Variants in CERS6 observed in about 807,000 individuals in gnomAD.
The protein encoded by CERS6 is ceramide synthase 6.
Under a neutral mutation model 56.8 loss-of-function variants are expected in CERS6, and 26 were observed. The ratio of observed to expected loss-of-function variants is 0.46; its 90% CI spans 0.34 to 0.63. The LOEUF (loss-of-function observed/expected upper bound fraction) is 0.63, where lower values mean the gene tolerates loss of function less well. Among genes scored for constraint, CERS6 ranks in the 30% least tolerant of loss-of-function variants. The probability of loss-of-function intolerance (pLI) is 0.01; values close to 1 mark genes in which losing one functional copy is unlikely to be tolerated. For missense variants in CERS6, 415 were observed against 467.5 expected (o/e 0.89, Z 1.04); for synonymous variants, 164 against 173.3 (o/e 0.95, Z 0.42).
intron 8 of CERS6, among the ~76,000 whole-genome samples, chr2:168,758,572 G>A (rs1326242140): frequency 6.6e-6 from 1 of 152,164 alleles, no homozygotes. Flanking sequence ...ACATGCACCT[G>A]TAACCCATTC....
intron 1 of CERS6, among the ~76,000 whole-genome samples, chr2:168,481,309 G>A (rs1004136868): frequency 1.3e-5 from 2 of 152,192 alleles, no homozygotes; most frequent in Admixed American, 6.5e-5. Flanking sequence ...CACCTACTCT[G>A]GAGGCTGAGG....
intron 6 of CERS6, among the ~76,000 whole-genome samples, chr2:168,698,255 GAAAAAAAAAAAAAAAAAAAA>G (rs1686711996): frequency 1.1e-4 from 2 of 17,978 alleles, no homozygotes; most frequent in East Asian, 4.1e-3. Flanking sequence ...AAAAAAAAAA[GAAAAAAAAAAAAAAAAAAAA>G]GAAACACCTG....
intron 3 of CERS6, among the ~76,000 whole-genome samples, chr2:168,607,081 A>G (rs1484391825): frequency 6.6e-6 from 1 of 152,080 alleles, no homozygotes; most frequent in Non-Finnish European, 1.5e-5. Flanking sequence ...TAGCAATGCA[A>G]GAATGGACTA....
intron 4 of CERS6, among the ~76,000 whole-genome samples, chr2:168,680,869 T>A (rs1451173121): frequency 1.3e-5 from 2 of 152,238 alleles, no homozygotes; most frequent in South Asian, 4.1e-4. Context: ...GTCTGTGATA[T>A]TCTGTTATAG....
At chr2:168,552,999 G>A (rs1395132983) in intron 2 of CERS6, among the ~76,000 whole-genome samples, 2 of 152,134 alleles carry the variant, frequency 1.3e-5, no homozygotes, top group Non-Finnish European at 1.5e-5. Flanking sequence ...GAAGATCACA[G>A]AGGAAATATA....
At chr2:168,734,792 G>T (rs534175145) in intron 8 of CERS6, among the ~76,000 whole-genome samples, 29 of 152,230 alleles carry the variant, frequency 1.9e-4, no homozygotes, top group African/African-American at 7.0e-4. Context: ...TATGCATCTG[G>T]AGCACATTTT....
chr2:168,752,305 G>C (rs1559080818), intron 8 of CERS6, among the ~76,000 whole-genome samples: 2 of 150,940 alleles, frequency 1.3e-5, no homozygotes, highest in East Asian at 3.9e-4. Context: ...GTGTGTGTGT[G>C]TGTGTGTGTG....
intron 1 of CERS6, among the ~76,000 whole-genome samples, chr2:168,507,895 A>G (rs922586000): frequency 3.3e-5 from 5 of 152,016 alleles, no homozygotes; most frequent in East Asian, 1.9e-4. Flanking sequence ...ATTTATAACC[A>G]TTAGATATTT....
intron 1 of CERS6, among the ~76,000 whole-genome samples, chr2:168,471,150 G>A (rs1345772446): frequency 6.6e-6 from 1 of 152,168 alleles, no homozygotes; most frequent in Non-Finnish European, 1.5e-5. Context: ...AATCCTATTT[G>A]CCTAGTGCTT....
rs781481701 is a variant in CERS6, at chr2:168,717,894, C to T, written c.761C>T (p.Ala254Val). Residue 254 changes from alanine to valine, a missense_variant, in exon 8 of 10, where the codon GCC becomes GTC. Transcript: ENST00000305747. ...TAGGCTGCCAAAATGGCAAATTATGCCAAGTTTCAGAAAATGTGTGATCTC... is the reference window on the plus strand; with the variant it reads ...TAGGCTGCCAAAATGGCAAATTATGTCAAGTTTCAGAAAATGTGTGATCTC... ...LLEAAKMANY[A>V]KFQKMCDLLF... 5 of 1,613,470 alleles carry T rather than the reference C, an allele frequency of 3.1e-6. No individual in the cohort carries two copies. The highest frequency in any genetic ancestry group is 4.2e-6 in the Non-Finnish European group (5 of 1,179,630).
intron 3 of CERS6, among the ~76,000 whole-genome samples, chr2:168,581,529 T>G (rs1683409971): frequency 6.6e-6 from 1 of 152,228 alleles, no homozygotes; most frequent in South Asian, 2.1e-4. Context: ...GACATATCTT[T>G]CAAATCACTA....
At chr2:168,637,241 G>C (rs1485272487) in intron 4 of CERS6, among the ~76,000 whole-genome samples, 1 of 152,188 alleles carries the variant, frequency 6.6e-6, no homozygotes, top group African/African-American at 2.4e-5. Context: ...ACTTTGGGAG[G>C]CTGAAGCGCG....
intron 3 of CERS6, among the ~76,000 whole-genome samples, chr2:168,610,862 C>T (rs1316504427): frequency 6.6e-6 from 1 of 152,104 alleles, no homozygotes; most frequent in African/African-American, 2.4e-5. Flanking sequence ...GGCTGGAGTG[C>T]AGTGGTGCAA....
chr2:168,652,741 G>A (rs1235248043), intron 4 of CERS6, among the ~76,000 whole-genome samples: 1 of 151,838 alleles, frequency 6.6e-6, no homozygotes, highest in Non-Finnish European at 1.5e-5. Context: ...AAACATCCTG[G>A]GAAATCTGGC....
chr2:168,611,552 A>C (rs998041175), intron 3 of CERS6, among the ~76,000 whole-genome samples: 1 of 152,206 alleles, frequency 6.6e-6, no homozygotes, highest in Non-Finnish European at 1.5e-5. Flanking sequence ...TCATCTGTAC[A>C]TCTTCATTGG....
At chr2:168,679,427 A>T (rs1458905187) in intron 4 of CERS6, among the ~76,000 whole-genome samples, 2 of 152,218 alleles carry the variant, frequency 1.3e-5, no homozygotes, top group Non-Finnish European at 1.5e-5. Flanking sequence ...ATCAAATTGT[A>T]CTCCATAAGT....
At chr2:168,745,867 A>T (rs1203306955) in intron 8 of CERS6, among the ~76,000 whole-genome samples, 1 of 152,002 alleles carries the variant, frequency 6.6e-6, no homozygotes, top group East Asian at 1.9e-4. Context: ...GTCATCAAGC[A>T]CTCTGAGGGG....
chr2:168,714,075 C>T (rs1687166781), intron 6 of CERS6, among the ~76,000 whole-genome samples: 1 of 152,082 alleles, frequency 6.6e-6, no homozygotes, highest in Admixed American at 6.6e-5. Flanking sequence ...TGATGAGGGC[C>T]CATTTCCTGA....
intron 3 of CERS6, among the ~76,000 whole-genome samples, chr2:168,627,631 GTTT>G (rs34768130): frequency 6.9e-6 from 1 of 145,144 alleles, no homozygotes; most frequent in African/African-American, 2.5e-5. Context: ...GAACACTGAA[GTTT>G]TTTTTTTTTT....
Sources: allele counts gnomAD v4.1 joint callset (sites outside exome capture counted in the v4.1 genomes callset), GRCh38; gene constraint gnomAD v4.1.1; transcripts MANE v1.5; gene names NCBI Gene and HGNC (gene_info 2026-07-23, HGNC 2026-07-21).